CSMD1: variants seen among roughly 807,000 people sequenced by gnomAD.
The protein encoded by CSMD1 is CUB and sushi domain-containing protein 1.
In CSMD1, 213 loss-of-function variants were observed where a neutral mutation model predicts 417.5. That is an observed-to-expected ratio of 0.51 (90% CI 0.46 to 0.57). The LOEUF is 0.57. Among genes scored for constraint, CSMD1 ranks in the 20% least tolerant of loss-of-function variants. The pLI is 0.00. For synonymous variants in CSMD1, 2,862 were observed against 1,736.8 expected (o/e 1.65, Z -16.11); for missense variants, 6,923 against 4,529.7 (o/e 1.53, Z -15.17).
At chr8:4,118,552 C>G (rs75739427) in intron 3 of CSMD1, among the ~76,000 whole-genome samples, 7 of 152,178 alleles carry the variant, frequency 4.6e-5, no homozygotes, top group African/African-American at 1.4e-4. Flanking sequence ...TACCATCTCA[C>G]GCCAGTAAAA....
intron 5 of CSMD1, among the ~76,000 whole-genome samples, chr8:3,979,094 C>A (rs186832940): frequency 6.6e-6 from 1 of 152,202 alleles, no homozygotes; most frequent in Non-Finnish European, 1.5e-5. Flanking sequence ...TGAACAGTAG[C>A]CAGTGCATTT....
chr8:4,749,639 A>C (rs573650554), intron 1 of CSMD1, among the ~76,000 whole-genome samples: 2 of 152,222 alleles, frequency 1.3e-5, no homozygotes, highest in Admixed American at 1.3e-4. Context: ...CAAAAGTTTC[A>C]CTTTAATAAT....
At chr8:3,681,729 C>A (rs1365377929) in intron 7 of CSMD1, among the ~76,000 whole-genome samples, 1 of 152,114 alleles carries the variant, frequency 6.6e-6, no homozygotes, top group African/African-American at 2.4e-5. Context: ...GCCCGCATTG[C>A]CAAGTCAATC....
chr8:4,786,758 G>C (rs531649414), intron 1 of CSMD1, among the ~76,000 whole-genome samples: 9 of 151,566 alleles, frequency 5.9e-5, no homozygotes, highest in African/African-American at 2.2e-4. Context: ...CTTAACACAT[G>C]TTTCTTTTGC....
chr8:4,126,532 C>T (rs956013972), intron 3 of CSMD1, among the ~76,000 whole-genome samples: 4 of 152,218 alleles, frequency 2.6e-5, no homozygotes, highest in Non-Finnish European at 4.4e-5. Context: ...ATGGTCAGTG[C>T]TGCAGGGAGG....
intron 6 of CSMD1, among the ~76,000 whole-genome samples, chr8:3,722,062 G>T (rs137927255): frequency 1.3e-5 from 2 of 152,148 alleles, no homozygotes; most frequent in African/African-American, 4.8e-5. Context: ...TAAGGAAGAG[G>T]CCGGGCAAAG....
At chr8:4,492,031 CA>C (rs141077568) in intron 2 of CSMD1, among the ~76,000 whole-genome samples, 33 of 127,642 alleles carry the variant, frequency 2.6e-4, no homozygotes, top group East Asian at 5.2e-4. Flanking sequence ...TATTATTCAG[CA>C]AAAAAAAAAG....
chr8:3,884,912 A>AAT lies in CSMD1; in HGVS notation c.818+112989_818+112990dup, dbSNP rs35616416. Among the ~76,000 whole-genome samples the AAT allele has an allele frequency of 6.0e-3, 870 of 145,730 alleles. 2 individuals carry two copies. The highest frequency in any genetic ancestry group is 8.6e-3 in the South Asian group (40 of 4,642). On this transcript the variant is annotated intron_variant, in intron 5 of 69. Transcript: ENST00000635120. ...TAACTTTTATATTAAAGGCCTTCTA[A>AAT]ATATATATATATATATATTCATATA...
At chr8:3,692,191 G>A (rs1012787845) in intron 7 of CSMD1, among the ~76,000 whole-genome samples, 10 of 152,122 alleles carry the variant, frequency 6.6e-5, no homozygotes, top group Non-Finnish European at 1.5e-4. Flanking sequence ...CTGACTTTAC[G>A]TTGTTATGCC....
intron 12 of CSMD1, among the ~76,000 whole-genome samples, chr8:3,444,968 T>C (rs563758385): frequency 2.0e-5 from 3 of 152,324 alleles, no homozygotes; most frequent in Non-Finnish European, 2.9e-5. Flanking sequence ...GAAGTCCTCA[T>C]GTCAGAAAAA....
chr8:4,326,680 C>A (rs1173514799), intron 3 of CSMD1, among the ~76,000 whole-genome samples: 4 of 152,072 alleles, frequency 2.6e-5, no homozygotes, highest in Non-Finnish European at 4.4e-5. Flanking sequence ...AGGAAAAGGT[C>A]TGGACTCAAG....
chr8:3,498,895 G>C (rs1046750490), intron 10 of CSMD1, among the ~76,000 whole-genome samples: 2 of 151,996 alleles, frequency 1.3e-5, no homozygotes, highest in African/African-American at 2.4e-5. Context: ...ATCATGAATT[G>C]TTTTCCTACT....
intron 2 of CSMD1, among the ~76,000 whole-genome samples, chr8:4,597,238 G>A (rs1236982083): frequency 6.6e-6 from 1 of 151,924 alleles, no homozygotes; most frequent in African/African-American, 2.4e-5. Flanking sequence ...TAACAATAGT[G>A]GTGATATATT....
At chr8:4,925,536 T>C (rs1806797777) in intron 1 of CSMD1, among the ~76,000 whole-genome samples, 2 of 10,544 alleles carry the variant, frequency 1.9e-4, no homozygotes, top group Admixed American at 4.0e-3. Context: ...TCTGGCATTT[T>C]CTTTTTTTTT....
chr8:4,064,397 G>A (rs1228231616), intron 3 of CSMD1, among the ~76,000 whole-genome samples: 2 of 152,164 alleles, frequency 1.3e-5, no homozygotes, highest in African/African-American at 4.8e-5. Context: ...CTCCCTCAAT[G>A]TTGAGAAGGT....
chr8:4,579,153 T>G (rs566454644), intron 2 of CSMD1, among the ~76,000 whole-genome samples: 85 of 152,058 alleles, frequency 5.6e-4, no homozygotes, highest in African/African-American at 9.4e-4. Context: ...AAAAGTGGCC[T>G]GTGAGGAATA....
At chr8:4,337,935 G>C (rs1432720695) in intron 3 of CSMD1, among the ~76,000 whole-genome samples, 4 of 152,202 alleles carry the variant, frequency 2.6e-5, no homozygotes, top group East Asian at 3.9e-4. Context: ...ATCATTTAAT[G>C]ATATCGCATT....
At position 4,901,212 on chromosome 8, in the gene CSMD1, A is replaced by C. The variant is rs755783214; in HGVS notation, c.85+93120T>G. ...TAGATCAACCTCTTTTATTTTGTAG[A>C]AACAACTATATTTCAGACGCTTCCT... On this transcript the variant is annotated intron_variant, in intron 1 of 69. Coordinates refer to ENST00000635120, the MANE Select transcript of CSMD1 (RefSeq NM_033225.6). Among the ~76,000 whole-genome samples the C allele has an allele frequency of 8.6e-4, 131 of 152,232 alleles. 1 individual carries two copies. Among genetic ancestry groups the C allele is most frequent in the Non-Finnish European group, 8.4e-4 (57 of 68,042 alleles).
chr8:4,849,936 T>C (rs1585209066), intron 1 of CSMD1, among the ~76,000 whole-genome samples: 1 of 152,238 alleles, frequency 6.6e-6, no homozygotes, highest in East Asian at 1.9e-4. Context: ...GTTTAAACAT[T>C]TCAGGAATTA....
Sources: gnomAD v4.1 joint callset for allele counts (sites outside exome capture counted in the v4.1 genomes callset) on GRCh38, gnomAD v4.1.1 for gene constraint, MANE v1.5 for transcripts, NCBI Gene and HGNC (gene_info 2026-07-23, HGNC 2026-07-21) for gene names.